Variants in AIG1 observed in about 807,000 individuals in gnomAD.
AIG1 encodes the protein androgen induced 1, also known as androgen-induced gene 1 protein.
Under a neutral mutation model 31.4 loss-of-function variants are expected in AIG1, and 23 were observed. The ratio of observed to expected loss-of-function variants is 0.73; its 90% CI spans 0.53 to 1.04. The LOEUF (loss-of-function observed/expected upper bound fraction) is 1.04. Among genes scored for constraint, AIG1 ranks in the 50% least tolerant of loss-of-function variants. The pLI is 0.00. For synonymous variants in AIG1, 100 were observed against 110.5 expected (o/e 0.90, Z 0.60); for missense variants, 274 against 295.0 (o/e 0.93, Z 0.52).
At chr6:143,128,891 A>G (rs757882626) in intron 1 of AIG1, among the ~76,000 whole-genome samples, 1 of 152,244 alleles carries the variant, frequency 6.6e-6, no homozygotes, top group Non-Finnish European at 1.5e-5. Context: ...AGAAGGATAG[A>G]CTGTTTCATC....
intron 2 of AIG1, among the ~76,000 whole-genome samples, chr6:143,151,293 G>A (rs1169264962): frequency 6.6e-6 from 1 of 152,128 alleles, no homozygotes; most frequent in Non-Finnish European, 1.5e-5. Flanking sequence ...GTTTGTAAGT[G>A]TGCTCCCATT....
At position 143,326,459 on chromosome 6, in the gene AIG1, G is replaced by A. The variant is rs1490594858; in HGVS notation, c.516-6823G>A. ...TTATTCATTCATTCATTCTTCTAGTGTGTGACAGGCATTCTGATAAGTGCT... is the reference window on the plus strand; with the variant it reads ...TTATTCATTCATTCATTCTTCTAGTATGTGACAGGCATTCTGATAAGTGCT... On this transcript the variant is annotated intron_variant, in intron 4 of 5. Transcript: ENST00000357847. The surrounding 1 kb of genome is among the most constrained non-coding windows in gnomAD (Gnocchi z 4.5). 2.0e-5 allele frequency among the ~76,000 whole-genome samples: 3 copies of A among 152,086 alleles called. No individual in the cohort carries two copies. The highest frequency in any genetic ancestry group is 6.5e-5 in the Admixed American group (1 of 15,274).
chr6:143,245,014 A>T (rs748063220), intron 3 of AIG1, among the ~76,000 whole-genome samples: 3 of 152,212 alleles, frequency 2.0e-5, no homozygotes, highest in Non-Finnish European at 4.4e-5. Context: ...AATCTGTAAT[A>T]TCCCTGTCAC....
chr6:143,178,009 A>G (rs1479027095), intron 3 of AIG1, among the ~76,000 whole-genome samples: 1 of 152,092 alleles, frequency 6.6e-6, no homozygotes, highest in Non-Finnish European at 1.5e-5. Flanking sequence ...CCACAGTCCT[A>G]TGGGAGGGGC....
intron 1 of AIG1, among the ~76,000 whole-genome samples, chr6:143,111,193 A>G (rs1197321473): frequency 6.6e-6 from 1 of 152,120 alleles, no homozygotes; most frequent in African/African-American, 2.4e-5. Context: ...TGCTTTGGGA[A>G]AGAATATTCC....
intron 3 of AIG1, among the ~76,000 whole-genome samples, chr6:143,276,089 A>G (rs1330807836): frequency 6.6e-5 from 10 of 152,196 alleles, no homozygotes. Context: ...TCAGCAAGAG[A>G]TAGTTACTGC....
In AIG1 at chr6:143,333,923, A is replaced by C. The variant is rs1442876678; in HGVS notation, c.679+478A>C. 3.9e-5 allele frequency among the ~76,000 whole-genome samples: 6 copies of C among 152,190 alleles called. No homozygotes were observed. Among genetic ancestry groups the C allele is most frequent in the Admixed American group, 1.3e-4 (2 of 15,280 alleles). ...CATTCTGCTAGAGCTCTATCTAAGCAGTGTGTGATGCTCCGGCCACCTTGA... is the reference window on the plus strand; with the variant it reads ...CATTCTGCTAGAGCTCTATCTAAGCCGTGTGTGATGCTCCGGCCACCTTGA... On this transcript the variant is annotated intron_variant, in intron 5 of 5. Transcript: ENST00000357847. This position sits in a 1 kb window ranked among gnomAD's most constrained non-coding sequence, Gnocchi z 4.6.
chr6:143,266,883 G>A (rs1428911469), intron 3 of AIG1, among the ~76,000 whole-genome samples: 1 of 152,174 alleles, frequency 6.6e-6, no homozygotes, highest in Non-Finnish European at 1.5e-5. Flanking sequence ...CAAGGCTGCT[G>A]TGAACTATGA....
At chr6:143,234,897 G>A (rs563151462) in intron 3 of AIG1, among the ~76,000 whole-genome samples, 1 of 152,256 alleles carries the variant, frequency 6.6e-6, no homozygotes, top group African/African-American at 2.4e-5. Flanking sequence ...CTTGGGAGAT[G>A]AGGATGAAAT....
chr6:143,083,606 T>C (rs908380131), intron 1 of AIG1, among the ~76,000 whole-genome samples: 4 of 152,138 alleles, frequency 2.6e-5, no homozygotes, highest in South Asian at 2.1e-4. Flanking sequence ...CCATTGTCCA[T>C]TGGGTTTCTG....
At chr6:143,168,512 G>GT (rs1787184087) in intron 3 of AIG1, among the ~76,000 whole-genome samples, 1 of 150,652 alleles carries the variant, frequency 6.6e-6, no homozygotes, top group Non-Finnish European at 1.5e-5. Flanking sequence ...GCGGTGTTTG[G>GT]TTTTTTGTCC....
At chr6:143,235,308 A>G (rs569927177) in intron 3 of AIG1, among the ~76,000 whole-genome samples, 1 of 152,070 alleles carries the variant, frequency 6.6e-6, no homozygotes, top group East Asian at 1.9e-4. Context: ...TCCTTTCATC[A>G]TTGCTGGTCT....
chr6:143,148,404 G>A (rs1341299430), intron 2 of AIG1, among the ~76,000 whole-genome samples: 1 of 151,938 alleles, frequency 6.6e-6, no homozygotes, highest in Non-Finnish European at 1.5e-5. Flanking sequence ...AGCTACTTGG[G>A]AGGCTGAGCT....
In AIG1 at chr6:143,334,409, T is replaced by G. The variant is rs1422092582; in HGVS notation, c.679+964T>G. Among the ~76,000 whole-genome samples the G allele has an allele frequency of 6.6e-6, 1 of 152,218 alleles. No homozygotes were observed. The highest frequency in any genetic ancestry group is 1.5e-5 in the Non-Finnish European group (1 of 68,020). ...ACGCACAGTGAGTGCATGGTTACTG[T>G]GCATGGTTACTGAATCAGACTTTTG... On this transcript the variant is annotated intron_variant, in intron 5 of 5. Transcript: ENST00000357847. This position sits in a 1 kb window ranked among gnomAD's most constrained non-coding sequence, Gnocchi z 5.1.
intron 3 of AIG1, among the ~76,000 whole-genome samples, chr6:143,224,888 G>A (rs138470973): frequency 1.3e-5 from 2 of 152,086 alleles, no homozygotes; most frequent in African/African-American, 2.4e-5. Context: ...TTCCATGTAC[G>A]TTTGCCAGAT....
intron 1 of AIG1, among the ~76,000 whole-genome samples, chr6:143,090,836 G>C (rs536736865): frequency 6.6e-6 from 1 of 152,276 alleles, no homozygotes; most frequent in East Asian, 1.9e-4. Context: ...TAGGACACCT[G>C]TGAAGTTTGC....
intron 3 of AIG1, chr6:143,188,030 A>G: frequency 9.2e-7 from 1 of 1,087,266 alleles, no homozygotes; most frequent in South Asian, 3.0e-5. Context: ...TGTTTCTTTT[A>G]GGTGATTTTT....
rs565605610 is a variant in AIG1 at position 143,219,715 on chromosome 6, A to G, written c.399+54532A>G. Among the ~76,000 whole-genome samples the G allele has an allele frequency of 2.6e-3, 399 of 152,298 alleles. 1 individual carries two copies. The highest frequency in any genetic ancestry group is 9.3e-3 in the African/African-American group (385 of 41,552). On this transcript the variant is annotated intron_variant, in intron 3 of 5. Transcript: ENST00000357847. ...TATTCATTATCATGATTGTTGATACATGAACAGGCCCAGTTTTTTTCCTGT... is the reference window on the plus strand; with the variant it reads ...TATTCATTATCATGATTGTTGATACGTGAACAGGCCCAGTTTTTTTCCTGT...
intron 4 of AIG1, among the ~76,000 whole-genome samples, chr6:143,310,131 T>C (rs1583827922): frequency 6.6e-6 from 1 of 152,024 alleles, no homozygotes. Context: ...TGAACAACCA[T>C]CAATCAACTT....
Sources: gnomAD v4.1 joint callset for allele counts (sites outside exome capture counted in the v4.1 genomes callset) on GRCh38, gnomAD v4.1.1 for gene constraint, Gnocchi (gnomAD v3.1) non-coding constraint, MANE v1.5 for transcripts, NCBI Gene and HGNC (gene_info 2026-07-23, HGNC 2026-07-21) for gene names.